The following HOXB6 variants were observed in gnomAD, a reference collection of about 807,000 sequenced individuals.
HOXB6 encodes homeobox protein Hox-B6.
HOXB6 carries 18 observed loss-of-function variants against 24.2 expected under a neutral mutation model. The ratio of observed to expected loss-of-function variants is 0.74; its 90% confidence interval spans 0.51 to 1.10. The LOEUF is 1.10. Among genes scored for constraint, HOXB6 ranks in the 50% least tolerant of loss-of-function variants. The pLI is 0.00. For missense variants in HOXB6, 332 were observed against 308.3 expected (o/e 1.08, Z -0.58); for synonymous variants, 159 against 139.1 (o/e 1.14, Z -1.01).
Position 48,596,420 on chromosome 17 carries a change from G to T in HOXB6, c.668C>A (p.Ala223Asp), listed in dbSNP as rs147795265. ...CCTCCCTTTCCAGCACCTTCACTCG[G>T]CCTGTTTTTCTTCCTCCTCCTCGGC... Reference protein sequence around the residue: ...LSAEEEEEKQAE With the variant: ...LSAEEEEEKQDE Residue 223 changes from alanine to aspartate, a missense_variant, in exon 4 of 4, where the codon GCC (alanine) becomes GAC (aspartate). Ala to Asp is a moderately radical substitution (Grantham distance 126). Coordinates refer to ENST00000225648, the MANE Select transcript of HOXB6 (RefSeq NM_018952.5). This position sits in a 1 kb window ranked among gnomAD's most constrained non-coding sequence, Gnocchi z 4.8. 281 of 1,614,026 alleles carry T rather than the reference G, an allele frequency of 1.7e-4. No individual in the cohort carries two copies. Among genetic ancestry groups the T allele is most frequent in the Non-Finnish European group, 2.3e-4 (274 of 1,180,036 alleles).
intron 2 of HOXB6, among the ~76,000 whole-genome samples, chr17:48,598,775 A>G (rs947178484): frequency 6.6e-6 from 1 of 152,170 alleles, no homozygotes; most frequent in African/African-American, 2.4e-5. Context: ...AAGATAAGCA[A>G]AGAAGAAACA....
intron 2 of HOXB6, among the ~76,000 whole-genome samples, chr17:48,598,868 G>C (rs1242196723): frequency 6.6e-6 from 1 of 152,144 alleles, no homozygotes; most frequent in African/African-American, 2.4e-5. Flanking sequence ...TATTGTTCCT[G>C]CTTCTCCACA....
At position 48,604,950 on chromosome 17, in the gene HOXB6, A is replaced by C. The variant is rs1166629430; in HGVS notation, c.-303T>G. 1 of 152,604 alleles carries C rather than the reference A, an allele frequency of 6.6e-6. No individual in the cohort carries two copies. Among genetic ancestry groups the C allele is most frequent in the Non-Finnish European group, 1.5e-5 (1 of 68,040 alleles). The allele number at this position is 152,604 out of a possible 1,614,324, so 9.5% of individuals were successfully genotyped here. A position where few individuals can be genotyped will look rare whatever the true frequency, so the allele number is the denominator to read the frequency against. Reference sequence around the variant, plus strand: ...AGAGGCTGGAGCCCTGAAGGACGACAGTGCTCCGACCTAGGTGTGGTGTCC... The same window carrying C: ...AGAGGCTGGAGCCCTGAAGGACGACCGTGCTCCGACCTAGGTGTGGTGTCC... On this transcript the variant is annotated 5_prime_UTR_variant, in exon 1 of 4. Coordinates refer to ENST00000225648, the MANE Select transcript of HOXB6 (RefSeq NM_018952.5).
chr17:48,599,401 C>T (rs978809055), intron 2 of HOXB6, among the ~76,000 whole-genome samples: 2 of 152,214 alleles, frequency 1.3e-5, no homozygotes, highest in Admixed American at 6.5e-5. Context: ...TTCTAAGTCT[C>T]TGTAGGAGCT....
chr17:48,597,154 C>T lies in HOXB6; in HGVS notation c.416-482G>A, dbSNP rs528436458. The T allele has an allele frequency of 8.6e-5, 81 of 945,602 alleles. 1 individual carries two copies. In the East Asian group the frequency reaches 5.5e-3, roughly 64 times the overall value. The allele number at this position is 945,602 out of a possible 1,614,324, so 58.6% of individuals were successfully genotyped here. A position where few individuals can be genotyped will look rare whatever the true frequency, so the allele number is the denominator to read the frequency against. On this transcript the variant is annotated intron_variant, in intron 3 of 3. Transcript: ENST00000225648. ...ACAAATAATCCAACCTGAGACCCCG[C>T]GCCTGTTTCTCCCTCTCTCGCTCCG...
intron 2 of HOXB6, 105 bp from the exon 3 acceptor site, chr17:48,598,333 G>A (rs900592148): frequency 1.8e-5 from 11 of 597,892 alleles, no homozygotes; most frequent in Non-Finnish European, 2.8e-5. Flanking sequence ...CTGACCAATG[G>A]CAGAGGCAGG....
intron 2 of HOXB6, among the ~76,000 whole-genome samples, chr17:48,599,655 C>T (rs2070409038): frequency 6.6e-6 from 1 of 152,168 alleles, no homozygotes. Flanking sequence ...GTCTCTGGCT[C>T]TTTCATCCAA....
rs939502760 is a variant in HOXB6, at chr17:48,602,835, G to GA, written c.-79+1644dup. On this transcript the variant is annotated intron_variant, in intron 2 of 3. Coordinates refer to ENST00000225648, the MANE Select transcript of HOXB6 (RefSeq NM_018952.5). ...TTTATAACCCTCCAAGACTACAGGA[G>GA]AAAAAGACCTTTAGTATGGGTGGGT... Among the ~76,000 whole-genome samples, 12 of 152,344 alleles carry GA rather than the reference G, an allele frequency of 7.9e-5. No individual in the cohort carries two copies. In the South Asian group the frequency reaches 1.2e-3, roughly 16 times the overall value.
intron 2 of HOXB6, among the ~76,000 whole-genome samples, chr17:48,600,262 C>A (rs1348191870): frequency 6.6e-6 from 1 of 152,130 alleles, no homozygotes; most frequent in Non-Finnish European, 1.5e-5. Context: ...CCCTGGGCCT[C>A]AGCCTTCCCT....
intron 2 of HOXB6, 74 bp from the exon 3 acceptor site, chr17:48,598,302 A>G (rs936494646): frequency 4.0e-6 from 3 of 752,464 alleles, no homozygotes; most frequent in East Asian, 2.7e-5. Context: ...CCAGAAGGAA[A>G]TACAACCATC....
Position 48,598,117 on chromosome 17 carries a change from C to A in HOXB6, c.34G>T (p.Val12Phe). The A allele has an allele frequency of 6.3e-7, 1 of 1,595,884 alleles. No individual in the cohort carries two copies. Among genetic ancestry groups the A allele is most frequent in the South Asian group, 1.1e-5 (1 of 89,864 alleles). ...SSYFVNSTFP[V>F]TLASGQESFL... ...GACTCCTGCCCGCTGGCCAGAGTGACGGGGAAGGTGGAGTTCACGAAATAG... is the reference window on the plus strand; with the variant it reads ...GACTCCTGCCCGCTGGCCAGAGTGAAGGGGAAGGTGGAGTTCACGAAATAG... Residue 12 changes from valine to phenylalanine, a missense_variant, in exon 3 of 4, where the codon GTC becomes TTC. Physicochemically the swap from Val to Phe is conservative, Grantham distance 50. Coordinates refer to ENST00000225648, the MANE Select transcript of HOXB6 (RefSeq NM_018952.5).
intron 2 of HOXB6, chr17:48,600,654 T>C (rs2070438871): frequency 7.3e-6 from 3 of 410,390 alleles, no homozygotes; most frequent in Non-Finnish European, 1.5e-5. Flanking sequence ...TACGAATCTG[T>C]CTGTGGTTCG....
At position 48,596,723 on chromosome 17, in the gene HOXB6, C is replaced by T. The variant is rs769719985; in HGVS notation, c.416-51G>A. 1 of 1,603,094 alleles carries T rather than the reference C, an allele frequency of 6.2e-7. No individual in the cohort carries two copies. The highest frequency in any genetic ancestry group is 1.1e-5 in the South Asian group (1 of 90,944). On this transcript the variant is annotated intron_variant, in intron 3 of 3. Transcript: ENST00000225648. This position sits in a 1 kb window ranked among gnomAD's most constrained non-coding sequence, Gnocchi z 4.8. Reference sequence around the variant, plus strand: ...GGCCTGCGGTCACCGGGCCCAGGACCCCCTCCCCTAGTCGACCCTCGAACA... The same window carrying T: ...GGCCTGCGGTCACCGGGCCCAGGACTCCCTCCCCTAGTCGACCCTCGAACA...
chr17:48,602,393 G>A (rs1378342189), intron 2 of HOXB6: 7 of 367,058 alleles, frequency 1.9e-5, no homozygotes, highest in Middle Eastern at 2.0e-3. Flanking sequence ...GTGGGGGTGG[G>A]GATGGCGGTG....
intron 2 of HOXB6, chr17:48,602,281 T>C (rs760463820): frequency 2.2e-6 from 1 of 454,484 alleles, no homozygotes; most frequent in South Asian, 1.6e-5. Flanking sequence ...GCGCCTGCCC[T>C]GCGGGTCCCC....
intron 2 of HOXB6, among the ~76,000 whole-genome samples, chr17:48,599,687 G>A (rs1394868288): frequency 6.6e-6 from 1 of 152,202 alleles, no homozygotes; most frequent in Non-Finnish European, 1.5e-5. Context: ...ATTGAGCCCA[G>A]GCTGGGAGAC....
chr17:48,602,850 T>C (rs945832726), intron 2 of HOXB6, among the ~76,000 whole-genome samples: 12 of 152,098 alleles, frequency 7.9e-5, no homozygotes, highest in African/African-American at 2.7e-4. Flanking sequence ...AGACCTTTAG[T>C]ATGGGTGGGT....
chr17:48,596,349 T>C lies in HOXB6; in HGVS notation c.*64A>G. 6.2e-7 allele frequency: 1 copy of C among 1,612,282 alleles called. No individual in the cohort carries two copies. The highest frequency in any genetic ancestry group is 8.5e-7 in the Non-Finnish European group (1 of 1,178,592). The stretch of plus-strand genomic sequence containing the variant: ...ACCCGAGAGCCTTCCTTCCCGGGTC[T>C]CTCTGACGCCCTCGGCTCCCCACAG... On this transcript the variant is annotated 3_prime_UTR_variant, in exon 4 of 4. Transcript: ENST00000225648. This position sits in a 1 kb window ranked among gnomAD's most constrained non-coding sequence, Gnocchi z 4.8.
intron 2 of HOXB6, among the ~76,000 whole-genome samples, chr17:48,603,388 T>C (rs1195771489): frequency 6.6e-6 from 1 of 152,172 alleles, no homozygotes; most frequent in Non-Finnish European, 1.5e-5. Flanking sequence ...GACTGAGGGA[T>C]AAAATTGGAC....
Sources: gnomAD v4.1 joint callset for allele counts (sites outside exome capture counted in the v4.1 genomes callset) on GRCh38, gnomAD v4.1.1 for gene constraint, Gnocchi (gnomAD v3.1) non-coding constraint, MANE v1.5 for transcripts, NCBI Gene and HGNC (gene_info 2026-07-23, HGNC 2026-07-21) for gene names.